Variants in DOCK3 observed in about 807,000 individuals in gnomAD.
DOCK3 encodes dedicator of cytokinesis 3, also known as dedicator of cytokinesis protein 3.
DOCK3 carries 60 observed loss-of-function variants against 265.6 expected under a neutral mutation model. The ratio of observed to expected loss-of-function variants is 0.23; its 90% CI spans 0.18 to 0.28. The LOEUF is 0.28. DOCK3 is among the 10% of genes least tolerant of loss of function. DOCK3 has a pLI of 1.00. For missense variants in DOCK3, 1,981 were observed against 2,594.3 expected (o/e 0.76, Z 5.14); for synonymous variants, 881 against 938.0 (o/e 0.94, Z 1.11).
intron 5 of DOCK3, among the ~76,000 whole-genome samples, chr3:51,032,248 C>T (rs752587736): frequency 6.6e-6 from 1 of 151,960 alleles, no homozygotes; most frequent in African/African-American, 2.4e-5. Flanking sequence ...CAAACTAGTT[C>T]GCAATCTTGA....
intron 9 of DOCK3, among the ~76,000 whole-genome samples, chr3:51,139,750 A>G (rs929447084): frequency 6.6e-6 from 1 of 152,258 alleles, no homozygotes; most frequent in African/African-American, 2.4e-5. Flanking sequence ...GCTCTTGCCA[A>G]CATATCAAAG....
chr3:50,881,527 A>G (rs1289724374), intron 3 of DOCK3, among the ~76,000 whole-genome samples: 13 of 152,208 alleles, frequency 8.5e-5, no homozygotes, highest in Non-Finnish European at 1.5e-4. Flanking sequence ...TGCTTCAAAG[A>G]GAGTAAAATA....
intron 38 of DOCK3, among the ~76,000 whole-genome samples, chr3:51,346,051 T>C (rs2085540991): frequency 6.6e-6 from 1 of 152,198 alleles, no homozygotes. Flanking sequence ...AAATTTCCTA[T>C]AATAAAACAT....
chr3:50,847,077 AT>A (rs989161722), intron 3 of DOCK3, among the ~76,000 whole-genome samples: 5 of 148,744 alleles, frequency 3.4e-5, no homozygotes, highest in East Asian at 2.0e-4. Flanking sequence ...TGTAATTGCT[AT>A]TTTTTTTTCT....
chr3:50,776,704 C>T (rs2041621868), intron 1 of DOCK3, among the ~76,000 whole-genome samples: 1 of 151,958 alleles, frequency 6.6e-6, no homozygotes, highest in Non-Finnish European at 1.5e-5. Flanking sequence ...TTTATGGTTT[C>T]AAGTCTTGGA....
intron 4 of DOCK3, among the ~76,000 whole-genome samples, chr3:50,923,523 T>G (rs2050611275): frequency 6.6e-6 from 1 of 152,234 alleles, no homozygotes; most frequent in East Asian, 1.9e-4. Flanking sequence ...TCTTTTGCTC[T>G]TCTCTAAATT....
chr3:50,924,066 G>A lies in DOCK3; in HGVS notation c.219-9915G>A, dbSNP rs879708284. On this transcript the variant is annotated intron_variant, in intron 4 of 52. Transcript: ENST00000266037. Reference sequence around the variant, plus strand: ...AACCTGAACCTGAAATGGCCTCATGGGAATCTCAGCTTCAATATAATTGAA... The same window carrying A: ...AACCTGAACCTGAAATGGCCTCATGAGAATCTCAGCTTCAATATAATTGAA... Among the ~76,000 whole-genome samples, 8 of 152,172 alleles carry A rather than the reference G, an allele frequency of 5.3e-5. No homozygotes were observed. The East Asian group carries it at 9.7e-4, about 18-fold the overall frequency.
chr3:51,149,700 G>T (rs1034097382), intron 10 of DOCK3, among the ~76,000 whole-genome samples: 2 of 152,168 alleles, frequency 1.3e-5, no homozygotes, highest in Non-Finnish European at 2.9e-5. Context: ...CAACTTGATC[G>T]TGGTGGATAG....
intron 1 of DOCK3, among the ~76,000 whole-genome samples, chr3:50,694,226 C>T (rs1004605978): frequency 5.3e-5 from 8 of 151,566 alleles, no homozygotes; most frequent in Non-Finnish European, 2.9e-5. Context: ...GCTGAGATTG[C>T]GCCACTGCAC....
intron 4 of DOCK3, among the ~76,000 whole-genome samples, chr3:50,911,628 A>G (rs2049857448): frequency 1.3e-5 from 2 of 151,878 alleles, no homozygotes; most frequent in Admixed American, 6.6e-5. Context: ...GGATTGCCTT[A>G]GCTACTTGGA....
At chr3:51,220,683 A>ATG (rs1289851107) in intron 14 of DOCK3, among the ~76,000 whole-genome samples, 470 of 37,952 alleles carry the variant, frequency 0.012, 2 homozygotes, top group African/African-American at 0.033. Flanking sequence ...ATATATATAT[A>ATG]TATATGTGTG....
intron 9 of DOCK3, among the ~76,000 whole-genome samples, chr3:51,115,849 G>T (rs2083711967): frequency 6.6e-6 from 1 of 152,110 alleles, no homozygotes; most frequent in African/African-American, 2.4e-5. Flanking sequence ...TCCAGTTTCA[G>T]TTTTCTGCAT....
At chr3:51,047,348 A>G (rs1014796818) in intron 5 of DOCK3, among the ~76,000 whole-genome samples, 66 of 152,130 alleles carry the variant, frequency 4.3e-4, no homozygotes, top group African/African-American at 1.5e-3. Flanking sequence ...TGGCACATGT[A>G]TACATATGTA....
At chr3:51,025,665 G>A (rs2079783137) in intron 5 of DOCK3, among the ~76,000 whole-genome samples, 1 of 152,140 alleles carries the variant, frequency 6.6e-6, no homozygotes, top group South Asian at 2.1e-4. Flanking sequence ...AATTCAGTTG[G>A]GAGCTGCATT....
At chr3:50,934,179 C>A in intron 5 of DOCK3, 102 bp downstream of exon 5, 1 of 831,106 alleles carries the variant, frequency 1.2e-6, no homozygotes, top group Non-Finnish European at 1.8e-6. Flanking sequence ...TGAATATTTG[C>A]AGTTTATCAA....
intron 38 of DOCK3, among the ~76,000 whole-genome samples, chr3:51,342,444 G>A (rs1196658451): frequency 2.0e-5 from 3 of 152,192 alleles, no homozygotes; most frequent in African/African-American, 4.8e-5. Context: ...CTGATCCAGC[G>A]CCTGACACAG....
intron 2 of DOCK3, chr3:50,787,190 T>C (rs1362442494): frequency 1.6e-6 from 1 of 628,294 alleles, no homozygotes; most frequent in Non-Finnish European, 2.9e-6. Context: ...TATTGCCACA[T>C]TTATCACAAA....
intron 10 of DOCK3, among the ~76,000 whole-genome samples, chr3:51,151,657 T>C (rs1184619666): frequency 6.6e-6 from 1 of 152,246 alleles, no homozygotes; most frequent in Non-Finnish European, 1.5e-5. Flanking sequence ...CCATGTTTAG[T>C]GCTTCCTTCA....
intron 1 of DOCK3, among the ~76,000 whole-genome samples, chr3:50,709,871 A>C (rs527629354): frequency 1.3e-5 from 2 of 152,108 alleles, no homozygotes; most frequent in Non-Finnish European, 2.9e-5. Flanking sequence ...AGGAAGTTCA[A>C]TTCTATTTTA....
Sources: gnomAD v4.1 joint callset for allele counts (sites outside exome capture counted in the v4.1 genomes callset) on GRCh38, gnomAD v4.1.1 for gene constraint, MANE v1.5 for transcripts, NCBI Gene and HGNC (gene_info 2026-07-23, HGNC 2026-07-21) for gene names.